Variants in IGSF21 observed in about 807,000 individuals in gnomAD.
IGSF21 encodes immunoglobulin superfamily member 21.
IGSF21 carries 28 observed loss-of-function variants against 46.8 expected under a neutral mutation model. The observed-to-expected ratio is 0.60, with a 90% CI of 0.44 to 0.82. The LOEUF (loss-of-function observed/expected upper bound fraction) is 0.82. Ranked by LOEUF, IGSF21 falls within the 40% of genes least tolerant of loss-of-function variation. IGSF21 has a pLI of 0.00. For missense variants in IGSF21, 624 were observed against 665.5 expected (o/e 0.94, Z 0.69); for synonymous variants, 284 against 273.6 (o/e 1.04, Z -0.38).
At chr1:18,246,177 C>T (rs1017763175) in intron 2 of IGSF21, among the ~76,000 whole-genome samples, 2 of 152,146 alleles carry the variant, frequency 1.3e-5, no homozygotes, top group Non-Finnish European at 2.9e-5. Context: ...TGGCAGCATG[C>T]TGCCATCCCA....
chr1:18,271,140 A>G (rs1037515403), intron 2 of IGSF21, among the ~76,000 whole-genome samples: 3 of 152,180 alleles, frequency 2.0e-5, no homozygotes, highest in South Asian at 2.1e-4. Flanking sequence ...ATGGTTCTCT[A>G]TGAAGCATTG....
At chr1:18,325,114 G>A (rs1002947394) in intron 3 of IGSF21, among the ~76,000 whole-genome samples, 11 of 152,186 alleles carry the variant, frequency 7.2e-5, no homozygotes, top group African/African-American at 1.4e-4. Context: ...TTCAGAAGCC[G>A]GAGGACAGGA....
chr1:18,328,721 G>A (rs2085682553), intron 3 of IGSF21, among the ~76,000 whole-genome samples: 1 of 152,158 alleles, frequency 6.6e-6, no homozygotes, highest in South Asian at 2.1e-4. Context: ...GTCAAATATT[G>A]GATCACTTGG....
chr1:18,356,162 A>C (rs569685966), intron 4 of IGSF21, among the ~76,000 whole-genome samples: 46 of 152,292 alleles, frequency 3.0e-4, no homozygotes, highest in African/African-American at 1.1e-3. Context: ...TAATACAATT[A>C]CGACTACTGT....
chr1:18,177,396 T>TGGTCGG (rs1557573385), intron 1 of IGSF21, among the ~76,000 whole-genome samples: 2 of 33,134 alleles, frequency 6.0e-5, no homozygotes, highest in South Asian at 1.0e-3. Context: ...CAGTGAGGTG[T>TGGTCGG]GTGTGTGTGT....
intron 4 of IGSF21, among the ~76,000 whole-genome samples, chr1:18,360,441 C>T (rs946940329): frequency 2.0e-5 from 3 of 152,176 alleles, no homozygotes; most frequent in African/African-American, 2.4e-5. Context: ...GTCGCCCCCA[C>T]CTGACTGTGA....
chr1:18,180,226 G>C (rs1351504734), intron 1 of IGSF21, among the ~76,000 whole-genome samples: 2 of 152,170 alleles, frequency 1.3e-5, no homozygotes, highest in Non-Finnish European at 2.9e-5. Context: ...ATGTTTACCA[G>C]GTTGTAGGGA....
At chr1:18,219,275 T>C (rs1246955011) in intron 1 of IGSF21, among the ~76,000 whole-genome samples, 1 of 152,174 alleles carries the variant, frequency 6.6e-6, no homozygotes, top group Non-Finnish European at 1.5e-5. Flanking sequence ...GATTGAGGGA[T>C]TGAGCCATGT....
At chr1:18,367,147 A>G (rs1181829657) in intron 6 of IGSF21, among the ~76,000 whole-genome samples, 1 of 152,184 alleles carries the variant, frequency 6.6e-6, no homozygotes, top group Non-Finnish European at 1.5e-5. Flanking sequence ...CAGGCCACTC[A>G]TGACCAAGGA....
At chr1:18,177,388 G>GATGGCTGAGAAGGAC (rs11275420) in intron 1 of IGSF21, among the ~76,000 whole-genome samples, 1 of 138,624 alleles carries the variant, frequency 7.2e-6, no homozygotes, top group African/African-American at 2.7e-5. Flanking sequence ...GATGGGGTCA[G>GATGGCTGAGAAGGAC]TGAGGTGTGT....
intron 1 of IGSF21, among the ~76,000 whole-genome samples, chr1:18,204,662 T>C (rs1291800722): frequency 2.0e-5 from 3 of 152,148 alleles, no homozygotes; most frequent in African/African-American, 7.2e-5. Context: ...AGGCAGTGTG[T>C]GTCTGATCTC....
chr1:18,310,062 G>A (rs959056600), intron 3 of IGSF21, among the ~76,000 whole-genome samples: 6 of 152,158 alleles, frequency 3.9e-5, no homozygotes, highest in African/African-American at 1.2e-4. Flanking sequence ...CCCGCCTGTG[G>A]CTGCATGTGC....
chr1:18,186,331 C>T (rs952857884), intron 1 of IGSF21, among the ~76,000 whole-genome samples: 1 of 152,136 alleles, frequency 6.6e-6, no homozygotes, highest in African/African-American at 2.4e-5. Flanking sequence ...ATCTCTCTGT[C>T]TCCTGCTCTT....
At chr1:18,348,400 T>G (rs2085916470) in intron 4 of IGSF21, among the ~76,000 whole-genome samples, 1 of 152,194 alleles carries the variant, frequency 6.6e-6, no homozygotes, top group African/African-American at 2.4e-5. Context: ...CAGATCAGCT[T>G]CAGCCTCCCA....
At chr1:18,301,006 C>T (rs78352275) in intron 3 of IGSF21, among the ~76,000 whole-genome samples, 1,964 of 152,270 alleles carry the variant, frequency 0.013, 18 homozygotes, top group African/African-American at 0.017. Flanking sequence ...AAAGATTTGT[C>T]GAATCAATGG....
At chr1:18,211,975 G>T (rs776349006) in intron 1 of IGSF21, among the ~76,000 whole-genome samples, 1 of 152,194 alleles carries the variant, frequency 6.6e-6, no homozygotes, top group Non-Finnish European at 1.5e-5. Flanking sequence ...GGCCCATGTG[G>T]AGCAGCCAAC....
intron 3 of IGSF21, among the ~76,000 whole-genome samples, chr1:18,323,907 A>C (rs1435933706): frequency 1.3e-5 from 2 of 152,140 alleles, no homozygotes; most frequent in Non-Finnish European, 2.9e-5. Flanking sequence ...GCGAAAACAC[A>C]TAAGGAGGAA....
At chr1:18,251,470 C>A (rs771963930) in intron 2 of IGSF21, among the ~76,000 whole-genome samples, 2 of 152,144 alleles carry the variant, frequency 1.3e-5, no homozygotes, top group African/African-American at 4.8e-5. Context: ...ACTCAGGGAT[C>A]CAGGCTCATT....
At position 18,162,380 on chromosome 1, in the gene IGSF21, G is replaced by A. The variant is rs541763535; in HGVS notation, c.70+54182G>A. On this transcript the variant is annotated intron_variant, in intron 1 of 9. Coordinates refer to ENST00000251296, the MANE Select transcript of IGSF21 (RefSeq NM_032880.5). ...CATTTTTCTACTTTACGTTAATGGT[G>A]TGAAAGCAATAGCCATTTGGTAGAA... Among the ~76,000 whole-genome samples the A allele has an allele frequency of 1.4e-4, 22 of 152,272 alleles. No homozygotes were observed. In the South Asian group the frequency reaches 4.4e-3, roughly 30 times the overall value.
Sources: gnomAD v4.1 joint callset for allele counts (sites outside exome capture counted in the v4.1 genomes callset) on GRCh38, gnomAD v4.1.1 for gene constraint, MANE v1.5 for transcripts, NCBI Gene and HGNC (gene_info 2026-07-23, HGNC 2026-07-21) for gene names.